ANXA8: variants seen among roughly 807,000 people sequenced by gnomAD.
The protein encoded by ANXA8 is VAC-beta.
A neutral mutation model predicts 26.8 loss-of-function variants in ANXA8; 9 were observed. That is an observed-to-expected ratio of 0.34 (90% CI 0.20 to 0.59). The LOEUF (loss-of-function observed/expected upper bound fraction) is 0.59, where lower values mean the gene tolerates loss of function less well. Among genes scored for constraint, ANXA8 ranks in the 20% least tolerant of loss-of-function variants. ANXA8 has a pLI of 0.84. For synonymous variants in ANXA8, 39 were observed against 94.8 expected (o/e 0.41, Z 3.42); for missense variants, 83 against 238.5 (o/e 0.35, Z 4.29).
the ANXA8 span, among the ~76,000 whole-genome samples, chr10:47,755,086 A>G: frequency 6.8e-6 from 1 of 148,134 alleles, no homozygotes; most frequent in Non-Finnish European, 1.5e-5. Context: ...CCTCCCGAGT[A>G]GTTGGGCCTA....
At chr10:47,693,859 G>GT in the ANXA8 span, among the ~76,000 whole-genome samples, 6 of 149,354 alleles carry the variant, frequency 4.0e-5, no homozygotes, top group South Asian at 6.3e-4. Flanking sequence ...AAAAAAAAAT[G>GT]TTTTTTTTCT....
the ANXA8 span, among the ~76,000 whole-genome samples, chr10:47,493,673 C>A: frequency 2.0e-5 from 3 of 151,008 alleles, no homozygotes; most frequent in African/African-American, 4.9e-5. Context: ...ACAGCAGGAC[C>A]CTGGCCCACT....
chr10:47,553,033 C>A, the ANXA8 span, among the ~76,000 whole-genome samples: 1 of 152,034 alleles, frequency 6.6e-6, no homozygotes, highest in Non-Finnish European at 1.5e-5. Context: ...TGTCAAGGAA[C>A]ACTGGCCGGG....
the ANXA8 span, among the ~76,000 whole-genome samples, chr10:47,647,765 C>T: frequency 6.6e-6 from 1 of 151,612 alleles, no homozygotes. Flanking sequence ...GCCATGGCTA[C>T]ATTATAAAAA....
At chr10:47,941,126 A>T in the ANXA8 span, among the ~76,000 whole-genome samples, 2 of 145,886 alleles carry the variant, frequency 1.4e-5, no homozygotes, top group Admixed American at 1.4e-4. Flanking sequence ...ACAGAAACCA[A>T]TTAACAAATG....
chr10:47,585,009 A>G, the ANXA8 span, among the ~76,000 whole-genome samples: 9 of 147,404 alleles, frequency 6.1e-5, no homozygotes, highest in Non-Finnish European at 1.0e-4. Flanking sequence ...AATTGCTTGA[A>G]CCCAGGGAGG....
the ANXA8 span, among the ~76,000 whole-genome samples, chr10:47,548,289 T>G: frequency 6.8e-6 from 1 of 146,080 alleles, no homozygotes; most frequent in East Asian, 2.4e-4. Context: ...TCAATATGGC[T>G]TATTTTTTTG....
the ANXA8 span, among the ~76,000 whole-genome samples, chr10:47,623,241 A>G: frequency 2.7e-5 from 3 of 109,466 alleles, 1 homozygote; most frequent in African/African-American, 1.1e-4. Flanking sequence ...ATAAAATTCC[A>G]TATCACCAGT....
the ANXA8 span, among the ~76,000 whole-genome samples, chr10:47,942,228 G>C: frequency 4.8e-4 from 71 of 146,430 alleles, 7 homozygotes; most frequent in East Asian, 0.013. Context: ...AGGAAGCTTT[G>C]TAGGGTCCCC....
chr10:47,982,918 G>A, the ANXA8 span, among the ~76,000 whole-genome samples: 3 of 103,588 alleles, frequency 2.9e-5, no homozygotes, highest in Non-Finnish European at 4.0e-5. Context: ...ATTAAAACAT[G>A]GGCAAATGAT....
the ANXA8 span, among the ~76,000 whole-genome samples, chr10:47,951,071 A>G: frequency 6.6e-6 from 1 of 150,378 alleles, no homozygotes; most frequent in Non-Finnish European, 1.5e-5. Context: ...ATAAAAAGTC[A>G]TAAAACAAAC....
chr10:47,674,411 C>T, the ANXA8 span, among the ~76,000 whole-genome samples: 1 of 151,462 alleles, frequency 6.6e-6, no homozygotes, highest in African/African-American at 2.4e-5. Context: ...GGACTACAGA[C>T]ATGTGCCACT....
the ANXA8 span, among the ~76,000 whole-genome samples, chr10:47,494,813 A>G: frequency 2.4e-3 from 363 of 151,182 alleles, 1 homozygote; most frequent in African/African-American, 8.4e-3. Flanking sequence ...TCGAATGGGT[A>G]CTTGAGGAAA....
At chr10:47,956,016 C>T in the ANXA8 span, 1 of 38,732 alleles carries the variant, frequency 2.6e-5, no homozygotes, top group African/African-American at 1.2e-4. Context: ...ACACATTAGC[C>T]CACACCTACC....
chr10:47,956,931 T>C, the ANXA8 span, among the ~76,000 whole-genome samples: 4 of 150,292 alleles, frequency 2.7e-5, no homozygotes, highest in Admixed American at 1.3e-4. Flanking sequence ...GATACAGGTA[T>C]AGTCTCTCCA....
chr10:47,932,382 C>T, the ANXA8 span, among the ~76,000 whole-genome samples: 1 of 150,938 alleles, frequency 6.6e-6, no homozygotes, highest in African/African-American at 2.4e-5. Flanking sequence ...ATCCCAAACT[C>T]AAGTGGGTGA....
the ANXA8 span, among the ~76,000 whole-genome samples, chr10:47,650,213 A>G: frequency 6.7e-6 from 1 of 150,100 alleles, no homozygotes; most frequent in Non-Finnish European, 1.5e-5. Context: ...CTCAAAAAAA[A>G]AAAAAAAAAG....
chr10:47,685,615 A>G, the ANXA8 span, among the ~76,000 whole-genome samples: 2 of 151,812 alleles, frequency 1.3e-5, no homozygotes. Context: ...CTCGGTATAG[A>G]TATGTAAAGC....
chr10:47,575,288 C>T, the ANXA8 span, among the ~76,000 whole-genome samples: 1 of 117,866 alleles, frequency 8.5e-6, no homozygotes, highest in Non-Finnish European at 1.8e-5. Context: ...AAAAGTAAAT[C>T]TGTGGATATT....
Sources: allele counts gnomAD v4.1 joint callset (sites outside exome capture counted in the v4.1 genomes callset), GRCh38; gene constraint gnomAD v4.1.1; transcripts MANE v1.5; gene names NCBI Gene and HGNC (gene_info 2026-07-23, HGNC 2026-07-21).